TGFBR1: variants seen among roughly 807,000 people sequenced by gnomAD.
TGFBR1 encodes the protein transforming growth factor beta receptor 1, also known as TGF-beta receptor type-1.
In TGFBR1, 20 loss-of-function variants were observed where a neutral mutation model predicts 55.1. The observed-to-expected ratio is 0.36, with a 90% CI of 0.26 to 0.53. The LOEUF is 0.53. Among genes scored for constraint, TGFBR1 ranks in the 20% least tolerant of loss-of-function variants. The probability of loss-of-function intolerance (pLI) is 0.91; values close to 1 mark genes in which losing one functional copy is unlikely to be tolerated. For missense variants in TGFBR1, 385 were observed against 617.6 expected, an observed-to-expected ratio of 0.62 and a Z score of 3.99; for synonymous variants, 220 against 214.8, an observed-to-expected ratio of 1.02 and a Z score of -0.21.
At chr9:99,133,876 C>T (rs1019057136) in intron 3 of TGFBR1, among the ~76,000 whole-genome samples, 4 of 151,792 alleles carry the variant, frequency 2.6e-5, no homozygotes, top group Non-Finnish European at 4.4e-5. Flanking sequence ...TAGTGGCATG[C>T]GCCTGTAGTC....
intron 3 of TGFBR1, among the ~76,000 whole-genome samples, chr9:99,133,917 T>C (rs1356926874): frequency 6.7e-6 from 1 of 149,204 alleles, no homozygotes; most frequent in Non-Finnish European, 1.5e-5. Flanking sequence ...GACAGGAGAA[T>C]CACCTGAACC....
chr9:99,119,735 C>G (rs1054098853), intron 1 of TGFBR1, among the ~76,000 whole-genome samples: 3 of 152,170 alleles, frequency 2.0e-5, no homozygotes, highest in Non-Finnish European at 2.9e-5. Context: ...AATATACTTT[C>G]TGTGTGTGCC....
At chr9:99,133,358 T>C (rs1421997214) in intron 3 of TGFBR1, among the ~76,000 whole-genome samples, 2 of 152,218 alleles carry the variant, frequency 1.3e-5, no homozygotes, top group African/African-American at 4.8e-5. Context: ...CTCAGTTCTA[T>C]TTGTTGATAT....
At chr9:99,107,687 T>C in intron 1 of TGFBR1, among the ~76,000 whole-genome samples, 1 of 152,168 alleles carries the variant, frequency 6.6e-6, no homozygotes, top group East Asian at 1.9e-4. Context: ...CCCGTGAAGG[T>C]TTATAAGATT....
intron 1 of TGFBR1, among the ~76,000 whole-genome samples, chr9:99,110,104 G>C (rs1279520934): frequency 6.6e-6 from 1 of 152,086 alleles, no homozygotes; most frequent in Non-Finnish European, 1.5e-5. Context: ...TGGTAGACTT[G>C]TAATTATTCA....
At chr9:99,129,129 T>A in intron 2 of TGFBR1, 29 bp downstream of exon 2, 1 of 1,610,012 alleles carries the variant, frequency 6.2e-7, no homozygotes, top group Non-Finnish European at 8.5e-7. Context: ...TTTTCCTAGA[T>A]ACTACAAGAA....
intron 3 of TGFBR1, 44 bp downstream of exon 3, chr9:99,132,783 A>C (rs950710956): frequency 6.2e-7 from 1 of 1,611,604 alleles, no homozygotes. Context: ...TCTTTTTAAA[A>C]TTAAGCGATA....
chr9:99,149,840 A>AT lies in TGFBR1; in HGVS notation c.*536dup, dbSNP rs1827929405. On this transcript the variant is annotated 3_prime_UTR_variant, in exon 9 of 9. Coordinates refer to ENST00000374994, the MANE Select transcript of TGFBR1 (RefSeq NM_004612.4). The stretch of plus-strand genomic sequence containing the variant: ...TTATCTTGAGTCTAAAAATGACCTC[A>AT]TATAGTAGTGAGGAACATAATTCAT... 1 of 222,884 alleles carries AT rather than the reference A, an allele frequency of 4.5e-6. No individual in the cohort carries two copies. The highest frequency in any genetic ancestry group is 2.2e-5 in the African/African-American group (1 of 44,514). 13.8% of individuals were successfully genotyped at this position (222,884 alleles called of 1,614,324 possible).
chr9:99,125,430 A>G (rs1827011879), intron 1 of TGFBR1, among the ~76,000 whole-genome samples: 1 of 152,232 alleles, frequency 6.6e-6, no homozygotes, highest in South Asian at 2.1e-4. Flanking sequence ...CATACCTACA[A>G]TTATATTTAC....
At chr9:99,146,125 T>G (rs1475372417) in intron 6 of TGFBR1, among the ~76,000 whole-genome samples, 11 of 152,300 alleles carry the variant, frequency 7.2e-5, no homozygotes, top group Middle Eastern at 3.4e-3. Flanking sequence ...ATTCGTGCCC[T>G]TCCTTTCATC....
intron 4 of TGFBR1, among the ~76,000 whole-genome samples, chr9:99,139,266 C>T (rs370649645): frequency 6.6e-6 from 1 of 150,542 alleles, no homozygotes; most frequent in Non-Finnish European, 1.5e-5. Context: ...TTTTCCTTCT[C>T]CCACCTTCCA....
chr9:99,112,986 T>TA (rs1826629795), intron 1 of TGFBR1, among the ~76,000 whole-genome samples: 1 of 152,202 alleles, frequency 6.6e-6, no homozygotes, highest in Non-Finnish European at 1.5e-5. Context: ...CCTAAAACGC[T>TA]ACCTTAAATG....
intron 1 of TGFBR1, among the ~76,000 whole-genome samples, chr9:99,109,176 G>A (rs80119038): frequency 0.017 from 2,657 of 152,278 alleles, 28 homozygotes; most frequent in Non-Finnish European, 0.028. Flanking sequence ...AATTCTAAAG[G>A]TGGAAGGGAG....
chr9:99,119,003 T>C (rs1826827629), intron 1 of TGFBR1, among the ~76,000 whole-genome samples: 1 of 149,250 alleles, frequency 6.7e-6, no homozygotes, highest in African/African-American at 2.5e-5. Context: ...GCATTGTGAA[T>C]CTGAGGGCAG....
chr9:99,120,806 G>A (rs1420371160), intron 1 of TGFBR1, among the ~76,000 whole-genome samples: 2 of 152,144 alleles, frequency 1.3e-5, no homozygotes, highest in South Asian at 2.1e-4. Context: ...CTTCTAAAAT[G>A]TGTTGTTAAA....
Position 99,148,831 on chromosome 9 carries a change from C to CAA in TGFBR1, c.1387-336_1387-335dup, listed in dbSNP as rs71899356. Among the ~76,000 whole-genome samples, 356 of 99,680 alleles carry CAA rather than the reference C, an allele frequency of 3.6e-3. 1 individual carries two copies. Among genetic ancestry groups the CAA allele is most frequent in the African/African-American group, 0.013 (338 of 26,572 alleles). The allele number at this position is 99,680 out of a possible 152,430, so 65.4% of individuals were successfully genotyped here. ...TGGGCGGCAGAGTGAGACCCTGTCTCAAAAAAAAAAAAAAGAAAGAAAAAT... is the reference window on the plus strand; with the variant it reads ...TGGGCGGCAGAGTGAGACCCTGTCTCAAAAAAAAAAAAAAAAGAAAGAAAAAT... On this transcript the variant is annotated intron_variant, in intron 8 of 8. Coordinates refer to ENST00000374994, the MANE Select transcript of TGFBR1 (RefSeq NM_004612.4).
chr9:99,143,860 G>A (rs1054650475), intron 5 of TGFBR1, among the ~76,000 whole-genome samples: 26 of 152,252 alleles, frequency 1.7e-4, no homozygotes, highest in African/African-American at 6.0e-4. Flanking sequence ...TTTGTCTGTA[G>A]ATTTGCTTAT....
chr9:99,146,072 G>T, intron 6 of TGFBR1: 1 of 283,276 alleles, frequency 3.5e-6, no homozygotes, highest in Non-Finnish European at 6.8e-6. Flanking sequence ...TCAGTATGAG[G>T]ACTGGCATTC....
rs755563011 is a variant in TGFBR1 at position 99,146,624 on chromosome 9, T to C, written c.1255+15T>C. 1 of 1,613,878 alleles carries C rather than the reference T, an allele frequency of 6.2e-7. No homozygotes were observed. Among genetic ancestry groups the C allele is most frequent in the East Asian group, 2.2e-5 (1 of 44,870 alleles). ...TTCCATTGGTGGTAAATTGCTCTCC[T>C]CTCCCCCAGTAGTTTGTCATGAGCA... On this transcript the variant is annotated intron_variant, in intron 7 of 8. Transcript: ENST00000374994.
Sources: allele counts gnomAD v4.1 joint callset (sites outside exome capture counted in the v4.1 genomes callset), GRCh38; gene constraint gnomAD v4.1.1; transcripts MANE v1.5; gene names NCBI Gene and HGNC (gene_info 2026-07-23, HGNC 2026-07-21).